The following TLK2 variants were observed in gnomAD, a reference collection of about 807,000 sequenced individuals.
TLK2 encodes serine/threonine-protein kinase tousled-like 2.
Under a neutral mutation model 117.3 loss-of-function variants are expected in TLK2, and 6 were observed. That is an observed-to-expected ratio of 0.05 (90% CI 0.03 to 0.10). The LOEUF is 0.10. TLK2 is among the 10% of genes least tolerant of loss of function. The pLI, the probability that TLK2 is intolerant of heterozygous loss-of-function variation, is 1.00. For missense variants in TLK2, 299 were observed against 901.2 expected, an observed-to-expected ratio of 0.33 and a Z score of 8.56; for synonymous variants, 257 against 316.7, an observed-to-expected ratio of 0.81 and a Z score of 2.00.
chr17:62,596,971 T>A (rs757634834), intron 17 of TLK2, among the ~76,000 whole-genome samples: 14 of 152,192 alleles, frequency 9.2e-5, no homozygotes, highest in Non-Finnish European at 1.6e-4. Context: ...TGTCTAATTT[T>A]GATGTACCAC....
chr17:62,594,259 T>G (rs2082292222), intron 16 of TLK2, among the ~76,000 whole-genome samples: 2 of 151,920 alleles, frequency 1.3e-5, no homozygotes, highest in Admixed American at 1.3e-4. Context: ...AATACAAAAA[T>G]TAGCTGGGCG....
intron 2 of TLK2, among the ~76,000 whole-genome samples, chr17:62,506,410 A>G (rs1489762028): frequency 1.3e-5 from 2 of 152,202 alleles, no homozygotes; most frequent in Non-Finnish European, 2.9e-5. Context: ...CGCTTGTGCC[A>G]CAGTCAAGAA....
At chr17:62,516,790 G>T in intron 2 of TLK2, 1 of 1,420,520 alleles carries the variant, frequency 7.0e-7, no homozygotes. Context: ...AGGGTCCGGG[G>T]CCGGGGCTGG....
intron 17 of TLK2, among the ~76,000 whole-genome samples, chr17:62,597,817 G>A (rs1018580493): frequency 3.3e-5 from 5 of 152,142 alleles, no homozygotes; most frequent in Non-Finnish European, 7.3e-5. Context: ...GTAACCTCCC[G>A]TGCCTCTGGG....
At chr17:62,609,996 C>G (rs558072528) in intron 21 of TLK2, among the ~76,000 whole-genome samples, 1 of 152,322 alleles carries the variant, frequency 6.6e-6, no homozygotes, top group South Asian at 2.1e-4. Context: ...TTGGCAGATT[C>G]TCTAGCTAGC....
At chr17:62,516,680 G>T in intron 2 of TLK2, 1 of 1,609,410 alleles carries the variant, frequency 6.2e-7, no homozygotes, top group Non-Finnish European at 8.5e-7. Context: ...GGGTGCTTAG[G>T]CATGTGGACA....
At chr17:62,475,615 G>A (rs570563041), upstream of TLK2, among the ~76,000 whole-genome samples, 10 of 152,098 alleles carry the variant, frequency 6.6e-5, no homozygotes, top group South Asian at 1.9e-3. Context: ...AAAGTGCTAG[G>A]ATTACAGGTG....
intron 5 of TLK2, among the ~76,000 whole-genome samples, chr17:62,523,657 G>A (rs576974386): frequency 6.6e-6 from 1 of 152,252 alleles, no homozygotes; most frequent in Non-Finnish European, 1.5e-5. Context: ...ATCAGTTAAT[G>A]CTGCCCCATC....
intron 2 of TLK2, among the ~76,000 whole-genome samples, chr17:62,504,697 A>G (rs977243445): frequency 1.3e-5 from 2 of 152,106 alleles, no homozygotes; most frequent in Admixed American, 6.6e-5. Flanking sequence ...AGTCTCAGCT[A>G]CTTGGGAGGC....
chr17:62,569,264 T>C lies in TLK2; in HGVS notation c.969-3951T>C, dbSNP rs374931179. Among the ~76,000 whole-genome samples the C allele has an allele frequency of 6.0e-5, 9 of 148,848 alleles. No individual in the cohort carries two copies. In the East Asian group the frequency reaches 1.0e-3, roughly 17 times the overall value. On this transcript the variant is annotated intron_variant, in intron 11 of 21. Transcript: ENST00000346027. ...TTGCAGTGAGCTGAGATCACGCCACTGCACTCCAGCCTGGGTGACAGAGTG... is the reference window on the plus strand; with the variant it reads ...TTGCAGTGAGCTGAGATCACGCCACCGCACTCCAGCCTGGGTGACAGAGTG...
At chr17:62,500,527 A>T (rs2074099357) in intron 2 of TLK2, among the ~76,000 whole-genome samples, 2 of 152,242 alleles carry the variant, frequency 1.3e-5, no homozygotes. Flanking sequence ...CCACAATTAC[A>T]TTTGGAAATT....
chr17:62,602,226 C>A, intron 19 of TLK2, 46 bp downstream of exon 19: 1 of 1,590,642 alleles, frequency 6.3e-7, no homozygotes, highest in South Asian at 1.2e-5. Context: ...AGATGTGGCT[C>A]TGCTATGCTG....
intron 1 of TLK2, 148 bp from the exon 2 acceptor site, chr17:62,480,973 G>A (rs1397286786): frequency 2.8e-6 from 2 of 723,888 alleles, no homozygotes; most frequent in African/African-American, 3.5e-5. Flanking sequence ...GCAGCACATA[G>A]TAGTCTACCA....
intron 6 of TLK2, among the ~76,000 whole-genome samples, chr17:62,533,479 AT>A (rs1257061379): frequency 2.7e-4 from 31 of 114,998 alleles, no homozygotes; most frequent in Admixed American, 4.6e-4. Flanking sequence ...TGTGTGTGTA[AT>A]TTTTTTTTTT....
At chr17:62,506,248 A>C (rs2074680639) in intron 2 of TLK2, among the ~76,000 whole-genome samples, 1 of 152,216 alleles carries the variant, frequency 6.6e-6, no homozygotes, top group African/African-American at 2.4e-5. Flanking sequence ...CTCCAGACAG[A>C]TAGGTAGAAC....
chr17:62,477,780 G>A (rs1279293602), upstream of TLK2: 5 of 152,306 alleles, frequency 3.3e-5, no homozygotes, highest in African/African-American at 9.7e-5. Context: ...GGGGATCAGA[G>A]GGGGTGCCCT....
chr17:62,480,390 T>C (rs2071490904), intron 1 of TLK2, among the ~76,000 whole-genome samples: 1 of 152,078 alleles, frequency 6.6e-6, no homozygotes, highest in African/African-American at 2.4e-5. Context: ...AAAAATGGTG[T>C]CCTCCTGCCC....
rs59523807 is a variant in TLK2, at chr17:62,576,966, C to CTTTTTTTTTTTTTTTTTT, written c.1188+205_1188+206insTTTTTTTTTTTTTTTTTT. Among the ~76,000 whole-genome samples, 56 of 115,912 alleles carry CTTTTTTTTTTTTTTTTTT rather than the reference C, an allele frequency of 4.8e-4. 2 individuals carry two copies. Among genetic ancestry groups the CTTTTTTTTTTTTTTTTTT allele is most frequent in the Non-Finnish European group, 6.0e-4 (34 of 56,868 alleles). The allele number at this position is 115,912 out of a possible 152,430, so 76.0% of individuals were successfully genotyped here. On this transcript the variant is annotated intron_variant, in intron 13 of 21. Transcript: ENST00000346027. ...ATATTTTTCCATTTTCTTTCTTCTT[C>CTTTTTTTTTTTTTTTTTT]TTTTTTTTTTTTTTGAGTTGGAGTC...
intron 11 of TLK2, among the ~76,000 whole-genome samples, chr17:62,572,413 A>G (rs1310193927): frequency 6.6e-6 from 1 of 151,568 alleles, no homozygotes; most frequent in African/African-American, 2.4e-5. Flanking sequence ...ACATGAGAGA[A>G]AGTGTTTTTT....
Sources: gnomAD v4.1 joint callset for allele counts (sites outside exome capture counted in the v4.1 genomes callset) on GRCh38, gnomAD v4.1.1 for gene constraint, MANE v1.5 for transcripts, NCBI Gene and HGNC (gene_info 2026-07-23, HGNC 2026-07-21) for gene names.